The following ABCA13 variants were observed in gnomAD, a reference collection of about 807,000 sequenced individuals.
ABCA13 encodes the protein ATP-binding cassette sub-family A member 13.
ABCA13 carries 476 observed loss-of-function variants against 478.7 expected under a neutral mutation model. That is an observed-to-expected ratio of 0.99 (90% CI 0.92 to 1.07). The LOEUF (loss-of-function observed/expected upper bound fraction) is 1.07. Among genes scored for constraint, ABCA13 ranks in the 50% least tolerant of loss-of-function variants. The pLI is 0.00. For missense variants in ABCA13, 6,060 were observed against 5,910.6 expected (o/e 1.03, Z -0.83); for synonymous variants, 2,252 against 2,158.9 (o/e 1.04, Z -1.20).
intron 43 of ABCA13, among the ~76,000 whole-genome samples, chr7:48,462,496 AG>A (rs1436344666): frequency 3.6e-5 from 3 of 84,178 alleles, no homozygotes; most frequent in Non-Finnish European, 9.2e-5. Context: ...TCTTTTTTTC[AG>A]TTCAGGGTAA....
Position 48,580,388 on chromosome 7 carries a change from G to T in ABCA13, c.14505+14G>T, listed in dbSNP as rs1223310766. ...TGCATCCCTGAGGTAAATCTCCCTG[G>T]GGTCTTCTAGATAAAGGGACCCATT... On this transcript the variant is annotated intron_variant, in intron 56 of 61. Coordinates refer to ENST00000435803, the MANE Select transcript of ABCA13 (RefSeq NM_152701.5). 3.7e-6 allele frequency: 6 copies of T among 1,606,154 alleles called. No individual in the cohort carries two copies. Among genetic ancestry groups the T allele is most frequent in the Non-Finnish European group, 5.1e-6 (6 of 1,176,298 alleles).
intron 58 of ABCA13, among the ~76,000 whole-genome samples, chr7:48,599,372 T>G (rs893343043): frequency 3.8e-5 from 5 of 132,890 alleles, no homozygotes; most frequent in East Asian, 2.0e-4. Flanking sequence ...GGGGTTACAG[T>G]TTTTTTTTTA....
intron 27 of ABCA13, among the ~76,000 whole-genome samples, chr7:48,328,734 CAAAAAATAAT>C (rs1316159761): frequency 1.3e-5 from 2 of 151,292 alleles, no homozygotes; most frequent in Non-Finnish European, 2.9e-5. Flanking sequence ...ACATATAGTT[CAAAAAATAAT>C]AAAAAAACCC....
chr7:48,516,764 C>G lies in ABCA13; in HGVS notation c.13680C>G (p.Ile4560Met), dbSNP rs765561050. 1.8e-5 allele frequency: 29 copies of G among 1,613,696 alleles called. 1 individual carries two copies. Among genetic ancestry groups the G allele is most frequent in the Non-Finnish European group, 1.7e-6 (2 of 1,179,748 alleles). The change falls in exon 52 of 62, where the codon ATC becomes ATG. Residue 4560 changes from isoleucine to methionine, a missense_variant. This residue lies in a region of ABCA13 where 1,627 missense variants were observed against 1,571.0 expected (regional missense o/e 1.04). Coordinates refer to ENST00000435803, the MANE Select transcript of ABCA13 (RefSeq NM_152701.5). ...CATGGATGTACCTGATGTCCAGAAT[C>G]TTTTCCAGTTCGGACGTGGCTTTCA... ...TLPWMYLMSR[I>M]FSSSDVAFIS...
At position 48,310,069 on chromosome 7, in the gene ABCA13, G is replaced by C. The variant is rs759346288; in HGVS notation, c.9444G>C (p.Leu3148=). 6.2e-7 allele frequency: 1 copy of C among 1,613,774 alleles called. No homozygotes were observed. The highest frequency in any genetic ancestry group is 1.3e-5 in the African/African-American group (1 of 74,922). The part of the protein sequence containing the change: ...SWIAAEELCS[L]PGSKVYSLIV... The stretch of plus-strand genomic sequence containing the variant: ...TCGCAGCGGAGGAACTCTGTAGCCT[G>C]CCAGGGTCAAAAGTGTATTCTCTGA... Residue 3148 remains leucine, a synonymous_variant, in exon 24 of 62, where the codon CTG becomes CTC. Transcript: ENST00000435803.
chr7:48,435,706 T>G (rs1018841069), intron 42 of ABCA13, among the ~76,000 whole-genome samples: 1 of 151,786 alleles, frequency 6.6e-6, no homozygotes, highest in Non-Finnish European at 1.5e-5. Context: ...TCTAGTTTGT[T>G]AAGTGTTTTT....
In ABCA13 at chr7:48,272,721, G is replaced by A; in HGVS notation, c.3055G>A (p.Glu1019Lys). The A allele has an allele frequency of 6.2e-7, 1 of 1,611,158 alleles. No individual in the cohort carries two copies. Among genetic ancestry groups the A allele is most frequent in the African/African-American group, 1.3e-5 (1 of 74,992 alleles). ...KAFAFLFKTA[E>K]VLGGISNVSY... The stretch of plus-strand genomic sequence containing the variant: ...ATTTGCATTTTTATTTAAGACAGCA[G>A]AGGTTCTTGGGGGAATTTCTAATGT... The change falls in exon 17 of 62, where the codon GAG becomes AAG. Residue 1019 changes from glutamate to lysine, a missense_variant. Physicochemically the swap from Glu to Lys is moderately conservative, Grantham distance 56. Coordinates refer to ENST00000435803, the MANE Select transcript of ABCA13 (RefSeq NM_152701.5).
chr7:48,465,847 C>G (rs1241609705), intron 43 of ABCA13, among the ~76,000 whole-genome samples: 2 of 151,998 alleles, frequency 1.3e-5, no homozygotes, highest in Non-Finnish European at 2.9e-5. Flanking sequence ...CTATTCTTCC[C>G]AGCTTCTGGT....
At chr7:48,435,021 A>G (rs1323667501) in intron 42 of ABCA13, among the ~76,000 whole-genome samples, 4 of 151,848 alleles carry the variant, frequency 2.6e-5, no homozygotes, top group African/African-American at 9.7e-5. Context: ...TTTTAAGATT[A>G]ATATTTCTTT....
In ABCA13 at chr7:48,317,161, G is replaced by A. The variant is rs765124162; in HGVS notation, c.9864G>A (p.Pro3288=). 27 of 1,610,412 alleles carry A rather than the reference G, an allele frequency of 1.7e-5. No individual in the cohort carries two copies. Among genetic ancestry groups the A allele is most frequent in the Admixed American group, 5.0e-5 (3 of 59,532 alleles). Residue 3288 remains proline (P), a synonymous_variant, in exon 27 of 62, where the codon CCG becomes CCA. Transcript: ENST00000435803. ...TTTTCTTTCTAATTGCAACAGCACCGTTTTGCTTGAAGCTTTATCAGGAAA... is the reference window on the plus strand; with the variant it reads ...TTTTCTTTCTAATTGCAACAGCACCATTTTGCTTGAAGCTTTATCAGGAAA... The part of the protein sequence containing the change: ...EKFNIPEDST[P]FCLKLYQEIL...
chr7:48,196,932 T>C (rs1273708438), intron 2 of ABCA13, among the ~76,000 whole-genome samples: 2 of 152,222 alleles, frequency 1.3e-5, no homozygotes, highest in Non-Finnish European at 2.9e-5. Flanking sequence ...ATATGGATTT[T>C]ACAACTTTAG....
chr7:48,370,804 A>G (rs1812515299), intron 32 of ABCA13, among the ~76,000 whole-genome samples: 1 of 152,198 alleles, frequency 6.6e-6, no homozygotes, highest in Non-Finnish European at 1.5e-5. Flanking sequence ...TAGACAACCA[A>G]GGGTCACACG....
intron 27 of ABCA13, among the ~76,000 whole-genome samples, chr7:48,325,291 C>A (rs991901977): frequency 3.3e-5 from 5 of 152,102 alleles, no homozygotes; most frequent in African/African-American, 9.7e-5. Context: ...GACTGAGAAC[C>A]AGGAACCTAT....
At chr7:48,281,502 C>T (rs1797031177) in intron 19 of ABCA13, 50 bp downstream of exon 19, 1 of 1,481,774 alleles carries the variant, frequency 6.7e-7, no homozygotes, top group South Asian at 1.2e-5. Context: ...TGCCAGTTTT[C>T]AGAACTCAGG....
In ABCA13 at chr7:48,314,135, T is replaced by C. The variant is rs564071031; in HGVS notation, c.9682-97T>C. The C allele has an allele frequency of 6.8e-5, 88 of 1,294,546 alleles. No homozygotes were observed. In the African/African-American group the frequency reaches 1.2e-3, roughly 17 times the overall value. The allele number at this position is 1,294,546 out of a possible 1,614,324, so 80.2% of individuals were successfully genotyped here. A position where few individuals can be genotyped will look rare whatever the true frequency, so the allele number is the denominator to read the frequency against. ...TTCTTTTGACTTGTTGAATATCTTGTACATTCAGTGGAGGAAGGAACTAGA... is the reference window on the plus strand; with the variant it reads ...TTCTTTTGACTTGTTGAATATCTTGCACATTCAGTGGAGGAAGGAACTAGA... On this transcript the variant is annotated intron_variant, in intron 25 of 61. Transcript: ENST00000435803.
At chr7:48,198,108 C>A in intron 2 of ABCA13, 129 bp from the exon 3 acceptor site, 2 of 971,512 alleles carry the variant, frequency 2.1e-6, no homozygotes, top group Non-Finnish European at 2.9e-6. Flanking sequence ...GCCCTTAGAT[C>A]TCCTTTAAAT....
At chr7:48,225,786 A>T (rs1299863271) in intron 5 of ABCA13, among the ~76,000 whole-genome samples, 2 of 152,102 alleles carry the variant, frequency 1.3e-5, no homozygotes, top group Non-Finnish European at 2.9e-5. Context: ...GAACCGATAG[A>T]GGGGAAAAGA....
chr7:48,377,210 G>A (rs62449230), intron 35 of ABCA13, among the ~76,000 whole-genome samples: 1 of 151,360 alleles, frequency 6.6e-6, no homozygotes, highest in African/African-American at 2.4e-5. Context: ...AAAAAAAAAG[G>A]CCAGTAATGG....
chr7:48,593,025 ACTTT>A (rs1404856358), intron 57 of ABCA13, among the ~76,000 whole-genome samples: 1 of 151,996 alleles, frequency 6.6e-6, no homozygotes, highest in South Asian at 2.1e-4. Context: ...CCATTCATTC[ACTTT>A]ATGCCTTTTG....
Sources: gnomAD v4.1 joint callset for allele counts (sites outside exome capture counted in the v4.1 genomes callset) on GRCh38, gnomAD v4.1.1 for gene constraint, gnomAD v4.1.1 regional missense constraint, MANE v1.5 for transcripts, NCBI Gene and HGNC (gene_info 2026-07-23, HGNC 2026-07-21) for gene names.